Variants in MYO1E observed in about 807,000 individuals in gnomAD.
MYO1E encodes myosin IE.
In MYO1E, 68 loss-of-function variants were observed where a neutral mutation model predicts 151.1. The observed-to-expected ratio is 0.45, with a 90% CI of 0.37 to 0.55. The LOEUF is 0.55. Ranked by LOEUF, MYO1E falls within the 20% of genes least tolerant of loss-of-function variation. MYO1E has a pLI of 0.00. For missense variants in MYO1E, 1,363 were observed against 1,389.3 expected (o/e 0.98, Z 0.30); for synonymous variants, 601 against 501.7 (o/e 1.20, Z -2.64).
intron 18 of MYO1E, among the ~76,000 whole-genome samples, chr15:59,181,899 C>G (rs1480721738): frequency 6.6e-6 from 1 of 152,188 alleles, no homozygotes; most frequent in Non-Finnish European, 1.5e-5. Context: ...ATAAACAAAG[C>G]CTTTCCTCTC....
Position 59,323,396 on chromosome 15 carries a change from G to A in MYO1E, c.3+49102C>T, listed in dbSNP as rs1294791981. 3.9e-5 allele frequency among the ~76,000 whole-genome samples: 6 copies of A among 151,902 alleles called. No homozygotes were observed. The South Asian group carries it at 1.2e-3, about 32-fold the overall frequency. The stretch of plus-strand genomic sequence containing the variant: ...GGGCCAGGCACAGTGGCTCACACCT[G>A]TAATCCTAGCACTTTGGGAGGCCGA... On this transcript the variant is annotated intron_variant, in intron 1 of 27. Transcript: ENST00000288235.
chr15:59,247,267 C>G (rs1383218644), intron 4 of MYO1E, among the ~76,000 whole-genome samples: 4 of 152,176 alleles, frequency 2.6e-5, no homozygotes, highest in African/African-American at 9.7e-5. Flanking sequence ...GAGCTCAAGT[C>G]CAGGGGTAAC....
chr15:59,343,426 T>A (rs1460691513), intron 1 of MYO1E, among the ~76,000 whole-genome samples: 1 of 152,190 alleles, frequency 6.6e-6, no homozygotes, highest in Admixed American at 6.5e-5. Flanking sequence ...CTGTTACTGC[T>A]TTTAGGATCC....
At chr15:59,169,439 C>T (rs2079579445) in intron 22 of MYO1E, among the ~76,000 whole-genome samples, 1 of 152,210 alleles carries the variant, frequency 6.6e-6, no homozygotes, top group Non-Finnish European at 1.5e-5. Flanking sequence ...GCTTTCCTAA[C>T]TTGGTTCTGA....
intron 16 of MYO1E, among the ~76,000 whole-genome samples, chr15:59,201,441 G>A (rs1208104142): frequency 3.5e-5 from 4 of 113,100 alleles, no homozygotes; most frequent in African/African-American, 1.4e-4. Context: ...TTTTACTCTT[G>A]TTGCCGAGGC....
chr15:59,234,686 G>A (rs1373686023), intron 5 of MYO1E, among the ~76,000 whole-genome samples: 1 of 152,026 alleles, frequency 6.6e-6, no homozygotes, highest in Non-Finnish European at 1.5e-5. Flanking sequence ...GCCAGGCATG[G>A]TGGCACACAC....
intron 7 of MYO1E, 137 bp from the exon 8 acceptor site, chr15:59,224,960 T>C: frequency 8.6e-7 from 1 of 1,161,290 alleles, no homozygotes; most frequent in South Asian, 1.3e-5. Flanking sequence ...GGCCCCCAAA[T>C]ATGTACTTGT....
At chr15:59,181,682 C>G (rs1289790367) in intron 18 of MYO1E, among the ~76,000 whole-genome samples, 1 of 152,204 alleles carries the variant, frequency 6.6e-6, no homozygotes, top group Non-Finnish European at 1.5e-5. Context: ...ACTAAACACA[C>G]AGAATATTTC....
chr15:59,209,031 TA>T, intron 13 of MYO1E, 183 bp from the exon 14 acceptor site: 1 of 721,228 alleles, frequency 1.4e-6, no homozygotes, highest in Non-Finnish European at 2.3e-6. Context: ...CACTTAGATC[TA>T]AAGAGGGAGG....
At position 59,178,389 on chromosome 15, in the gene MYO1E, T is replaced by G; in HGVS notation, c.2049+4A>C. 1 of 1,614,112 alleles carries G rather than the reference T, an allele frequency of 6.2e-7. No homozygotes were observed. Among genetic ancestry groups the G allele is most frequent in the Non-Finnish European group, 8.5e-7 (1 of 1,179,966 alleles). ...AGAGAGTGGAGAGCCAGCCAAGCAC[T>G]CACAGACTCGGGGGCTTTGATGAAC... is the stretch of plus-strand genomic sequence containing the variant. On this transcript the variant is annotated splice_donor_region_variant and intron_variant, in intron 19 of 27. Coordinates refer to ENST00000288235, the MANE Select transcript of MYO1E (RefSeq NM_004998.4).
intron 1 of MYO1E, among the ~76,000 whole-genome samples, chr15:59,289,875 T>A (rs2080408741): frequency 6.6e-6 from 1 of 152,118 alleles, no homozygotes; most frequent in African/African-American, 2.4e-5. Flanking sequence ...TCCAAGGAAA[T>A]TTTTGCATTT....
intron 12 of MYO1E, among the ~76,000 whole-genome samples, chr15:59,211,244 G>C (rs906992250): frequency 6.6e-6 from 1 of 151,492 alleles, no homozygotes; most frequent in Non-Finnish European, 1.5e-5. Flanking sequence ...GTACAGATTA[G>C]CATCCAGGTA....
chr15:59,207,187 G>A lies in MYO1E; in HGVS notation c.1530+1494C>T, dbSNP rs373150633. Reference sequence around the variant, plus strand: ...CATAGGAACTGGATCGGTGGGCATGGCCTGCGCTATCAGCATCTTATTAAA... The same window carrying A: ...CATAGGAACTGGATCGGTGGGCATGACCTGCGCTATCAGCATCTTATTAAA... On this transcript the variant is annotated intron_variant, in intron 14 of 27. Coordinates refer to ENST00000288235, the MANE Select transcript of MYO1E (RefSeq NM_004998.4). The A allele has an allele frequency of 1.1e-5, 17 of 1,614,218 alleles. No individual in the cohort carries two copies. The African/African-American group carries it at 1.2e-4, about 11-fold the overall frequency.
intron 1 of MYO1E, among the ~76,000 whole-genome samples, chr15:59,293,167 C>A (rs1220820307): frequency 2.6e-5 from 4 of 152,166 alleles, no homozygotes; most frequent in Admixed American, 2.0e-4. Flanking sequence ...CGGACAATCA[C>A]CCCCATCTAC....
intron 1 of MYO1E, among the ~76,000 whole-genome samples, chr15:59,285,347 T>C (rs2140392618): frequency 7.7e-6 from 1 of 130,138 alleles, no homozygotes; most frequent in Non-Finnish European, 1.7e-5. Context: ...CAAGACACTG[T>C]CTCTTTTTTT....
intron 23 of MYO1E, among the ~76,000 whole-genome samples, chr15:59,162,731 C>T (rs935856772): frequency 6.6e-5 from 10 of 151,882 alleles, no homozygotes; most frequent in Non-Finnish European, 1.2e-4. Context: ...CTCAAGCCCC[C>T]GGAGGCTCTA....
intron 1 of MYO1E, among the ~76,000 whole-genome samples, chr15:59,316,849 G>C (rs1486769005): frequency 2.6e-5 from 4 of 152,078 alleles, no homozygotes; most frequent in African/African-American, 9.7e-5. Flanking sequence ...ACTATAGCAG[G>C]GAAATAAATC....
At chr15:59,187,391 A>T (rs1329279727) in intron 18 of MYO1E, among the ~76,000 whole-genome samples, 1 of 152,248 alleles carries the variant, frequency 6.6e-6, no homozygotes, top group Non-Finnish European at 1.5e-5. Context: ...CCATCATGAA[A>T]TACCACTCCA....
chr15:59,225,812 A>C (rs1222247306), intron 7 of MYO1E, among the ~76,000 whole-genome samples: 1 of 151,856 alleles, frequency 6.6e-6, no homozygotes, highest in African/African-American at 2.4e-5. Flanking sequence ...ACGGCCAGCT[A>C]ATTTTTTGTA....
Sources: gnomAD v4.1 joint callset for allele counts (sites outside exome capture counted in the v4.1 genomes callset) on GRCh38, gnomAD v4.1.1 for gene constraint, MANE v1.5 for transcripts, NCBI Gene and HGNC (gene_info 2026-07-23, HGNC 2026-07-21) for gene names.